The following CD2AP variants were observed in gnomAD, a reference collection of about 807,000 sequenced individuals.
The protein encoded by CD2AP is CD2-associated protein.
A neutral mutation model predicts 85.1 loss-of-function variants in CD2AP; 46 were observed. The observed-to-expected ratio is 0.54, with a 90% confidence interval of 0.43 to 0.69. The LOEUF is 0.69. Among genes scored for constraint, CD2AP ranks in the 30% least tolerant of loss-of-function variants. CD2AP has a pLI of 0.00. For missense variants in CD2AP, 769 were observed against 729.5 expected, an observed-to-expected ratio of 1.05 and a Z score of -0.62; for synonymous variants, 255 against 252.9, an observed-to-expected ratio of 1.01 and a Z score of -0.08.
intron 1 of CD2AP, among the ~76,000 whole-genome samples, chr6:47,502,683 G>A (rs1196059559): frequency 6.6e-6 from 1 of 151,934 alleles, no homozygotes; most frequent in Non-Finnish European, 1.5e-5. Context: ...TAGTAGAGAT[G>A]GGGTTTCACC....
At chr6:47,550,739 A>T (rs556800667) in intron 4 of CD2AP, among the ~76,000 whole-genome samples, 1 of 152,218 alleles carries the variant, frequency 6.6e-6, no homozygotes, top group African/African-American at 2.4e-5. Flanking sequence ...ACACATGTTT[A>T]TAGCAGCACA....
Position 47,593,445 on chromosome 6 carries a change from A to G in CD2AP, c.1109-2416A>G, listed in dbSNP as rs144834724. ...ATAGGTATTTATCTAAAGGAGATATATAAGTTTTGTTTTTTATAACAAGCA... is the reference window on the plus strand; with the variant it reads ...ATAGGTATTTATCTAAAGGAGATATGTAAGTTTTGTTTTTTATAACAAGCA... On this transcript the variant is annotated intron_variant, in intron 11 of 17. Transcript: ENST00000359314. 3.3e-5 allele frequency among the ~76,000 whole-genome samples: 5 copies of G among 152,246 alleles called. No individual in the cohort carries two copies. The East Asian group carries it at 9.7e-4, about 29-fold the overall frequency.
chr6:47,613,583 T>G (rs1457634638), intron 17 of CD2AP, among the ~76,000 whole-genome samples: 6 of 152,094 alleles, frequency 3.9e-5, no homozygotes, highest in Non-Finnish European at 8.8e-5. Context: ...TAAACAGATG[T>G]GCTGTTATCC....
At chr6:47,515,104 G>A (rs190820042) in intron 2 of CD2AP, among the ~76,000 whole-genome samples, 74 of 151,940 alleles carry the variant, frequency 4.9e-4, no homozygotes, top group African/African-American at 1.7e-3. Context: ...GAAAGTTATA[G>A]GAGTACTGAG....
chr6:47,589,581 T>TATATATATATATATA (rs1562046500), intron 11 of CD2AP, among the ~76,000 whole-genome samples: 20 of 148,526 alleles, frequency 1.3e-4, no homozygotes, highest in South Asian at 2.2e-4. Context: ...TATATATATA[T>TATATATATATATATA]TTGTCAGAGT....
chr6:47,502,389 A>G (rs1329023303), intron 1 of CD2AP, among the ~76,000 whole-genome samples: 3 of 152,048 alleles, frequency 2.0e-5, no homozygotes, highest in African/African-American at 7.2e-5. Flanking sequence ...CAGTGCTCCA[A>G]AGTAGCTGGG....
intron 1 of CD2AP, among the ~76,000 whole-genome samples, chr6:47,497,639 C>A (rs1023977519): frequency 2.0e-5 from 3 of 152,098 alleles, no homozygotes; most frequent in Non-Finnish European, 4.4e-5. Flanking sequence ...GTCTTGAACT[C>A]CTGGGCTCAA....
At chr6:47,504,703 A>C (rs1766084012) in intron 2 of CD2AP, among the ~76,000 whole-genome samples, 2 of 152,184 alleles carry the variant, frequency 1.3e-5, no homozygotes, top group Admixed American at 1.3e-4. Context: ...CTGCAGGTTC[A>C]GTTCCAGACC....
intron 4 of CD2AP, chr6:47,545,008 A>C (rs540180090): frequency 9.7e-5 from 24 of 247,764 alleles, no homozygotes; most frequent in African/African-American, 5.2e-4. Context: ...AATAGAAGGA[A>C]TTTTGCCTTA....
intron 16 of CD2AP, among the ~76,000 whole-genome samples, chr6:47,611,383 G>C: frequency 1.1e-5 from 1 of 92,376 alleles, no homozygotes; most frequent in South Asian, 3.8e-4. Flanking sequence ...ATGGAAGAGG[G>C]GGGGAATAGG....
At chr6:47,590,030 A>T (rs1211122322) in intron 11 of CD2AP, among the ~76,000 whole-genome samples, 1 of 152,122 alleles carries the variant, frequency 6.6e-6, no homozygotes, top group Non-Finnish European at 1.5e-5. Flanking sequence ...AGAAGACATC[A>T]TCTAGAGTTT....
At chr6:47,510,161 A>C (rs1342405772) in intron 2 of CD2AP, among the ~76,000 whole-genome samples, 1 of 152,234 alleles carries the variant, frequency 6.6e-6, no homozygotes, top group African/African-American at 2.4e-5. Flanking sequence ...ATAGTCAGAG[A>C]CAGCAGTATG....
chr6:47,570,130 T>G (rs1171642792), intron 5 of CD2AP, among the ~76,000 whole-genome samples: 1 of 148,260 alleles, frequency 6.7e-6, no homozygotes, highest in Non-Finnish European at 1.5e-5. Context: ...CTTTTTATTT[T>G]CATCAGATTT....
In CD2AP at chr6:47,549,140, A is replaced by G. The variant is rs1046557766; in HGVS notation, c.420+4434A>G. ...TGAAAGCATTCCCTCTGAGAACTGGAACAAGACAAGGATGCCTGCTCTCAC... is the reference window on the plus strand; with the variant it reads ...TGAAAGCATTCCCTCTGAGAACTGGGACAAGACAAGGATGCCTGCTCTCAC... On this transcript the variant is annotated intron_variant, in intron 4 of 17. Transcript: ENST00000359314. 2.0e-5 allele frequency among the ~76,000 whole-genome samples: 3 copies of G among 152,140 alleles called. No homozygotes were observed. The East Asian group carries it at 5.8e-4, about 29-fold the overall frequency.
At position 47,544,828 on chromosome 6, in the gene CD2AP, G is replaced by T. The variant is rs960294536; in HGVS notation, c.420+122G>T. On this transcript the variant is annotated intron_variant, in intron 4 of 17. Transcript: ENST00000359314. Reference sequence around the variant, plus strand: ...CTGTTGTCACTTTTTAAAAAAAATGGTATAGAGTTTCTTTACTCATCCTTG... The same window carrying T: ...CTGTTGTCACTTTTTAAAAAAAATGTTATAGAGTTTCTTTACTCATCCTTG... 23 of 678,400 alleles carry T rather than the reference G, an allele frequency of 3.4e-5. No homozygotes were observed. The Admixed American group carries it at 5.6e-4, about 16-fold the overall frequency. 42.0% of individuals were successfully genotyped at this position (678,400 alleles called of 1,614,324 possible).
intron 4 of CD2AP, among the ~76,000 whole-genome samples, chr6:47,549,787 T>TC (rs1360839293): frequency 6.6e-6 from 1 of 152,104 alleles, no homozygotes; most frequent in East Asian, 1.9e-4. Context: ...TCTGGAGACC[T>TC]CACATTACCT....
chr6:47,490,387 T>A (rs552624941), intron 1 of CD2AP, among the ~76,000 whole-genome samples: 1 of 152,202 alleles, frequency 6.6e-6, no homozygotes, highest in African/African-American at 2.4e-5. Context: ...TATAAAACTT[T>A]ATGATGGCTA....
intron 1 of CD2AP, among the ~76,000 whole-genome samples, chr6:47,481,520 A>G (rs1765443966): frequency 6.6e-6 from 1 of 151,798 alleles, no homozygotes; most frequent in African/African-American, 2.4e-5. Flanking sequence ...TAATTTTTGC[A>G]TTTTTAGTAG....
intron 12 of CD2AP, among the ~76,000 whole-genome samples, chr6:47,597,734 A>G (rs773487090): frequency 6.6e-6 from 1 of 150,862 alleles, no homozygotes; most frequent in Non-Finnish European, 1.5e-5. Context: ...GGCTTTTGCA[A>G]AAGTATGGTG....
Sources: gnomAD v4.1 joint callset for allele counts (sites outside exome capture counted in the v4.1 genomes callset) on GRCh38, gnomAD v4.1.1 for gene constraint, MANE v1.5 for transcripts, NCBI Gene and HGNC (gene_info 2026-07-23, HGNC 2026-07-21) for gene names.